The following RPS6KC1 variants were observed in gnomAD, a reference collection of about 807,000 sequenced individuals.
The protein encoded by RPS6KC1 is inactive ribosomal protein S6 kinase delta-1.
A neutral mutation model predicts 103.8 loss-of-function variants in RPS6KC1; 54 were observed. The ratio of observed to expected loss-of-function variants is 0.52; its 90% CI spans 0.42 to 0.65. The LOEUF is 0.65. Among genes scored for constraint, RPS6KC1 ranks in the 30% least tolerant of loss-of-function variants. RPS6KC1 has a pLI of 0.00. For missense variants in RPS6KC1, 1,151 were observed against 1,253.8 expected (o/e 0.92, Z 1.24); for synonymous variants, 439 against 438.7 (o/e 1.00, Z -0.01).
At chr1:213,246,755 A>G (rs2094460543) in intron 12 of RPS6KC1, among the ~76,000 whole-genome samples, 1 of 151,990 alleles carries the variant, frequency 6.6e-6, no homozygotes, top group Non-Finnish European at 1.5e-5. Context: ...CTAAGCATAT[A>G]AAATACAAAA....
At chr1:213,374,013 A>T in the RPS6KC1 span, among the ~76,000 whole-genome samples, 1 of 152,216 alleles carries the variant, frequency 6.6e-6, no homozygotes, top group African/African-American at 2.4e-5. Flanking sequence ...AATATAGGGA[A>T]TAAGAGTGGC....
chr1:213,322,314 G>A, the RPS6KC1 span, among the ~76,000 whole-genome samples: 1 of 152,034 alleles, frequency 6.6e-6, no homozygotes, highest in Admixed American at 6.6e-5. Context: ...AAATTATGAG[G>A]GCTAGGTCAG....
the RPS6KC1 span, among the ~76,000 whole-genome samples, chr1:213,707,756 A>T: frequency 2.1e-4 from 32 of 152,338 alleles, no homozygotes; most frequent in East Asian, 6.2e-3. Context: ...AGTTTTCTGC[A>T]TATGGCTAGC....
intron 3 of RPS6KC1, among the ~76,000 whole-genome samples, chr1:213,098,260 G>A (rs1409290700): frequency 1.3e-5 from 2 of 151,682 alleles, no homozygotes; most frequent in African/African-American, 4.8e-5. Context: ...GGACTACAGG[G>A]GACTACAGGC....
At chr1:213,678,614 T>G in the RPS6KC1 span, among the ~76,000 whole-genome samples, 2 of 152,180 alleles carry the variant, frequency 1.3e-5, no homozygotes, top group Non-Finnish European at 2.9e-5. Context: ...CCCATATAGA[T>G]TTTTGGTCTG....
intron 1 of RPS6KC1, among the ~76,000 whole-genome samples, chr1:213,070,121 CAT>C (rs2078732757): frequency 6.6e-6 from 1 of 152,092 alleles, no homozygotes; most frequent in Non-Finnish European, 1.5e-5. Context: ...ATACTTCTCA[CAT>C]GTTGTGTCCG....
chr1:213,592,875 G>A, the RPS6KC1 span, among the ~76,000 whole-genome samples: 3 of 152,212 alleles, frequency 2.0e-5, no homozygotes, highest in African/African-American at 4.8e-5. Context: ...TCAAACGGCT[G>A]TAAGAAAAGA....
intron 1 of RPS6KC1, among the ~76,000 whole-genome samples, chr1:213,056,677 A>G (rs2148294469): frequency 6.6e-6 from 1 of 152,208 alleles, no homozygotes; most frequent in South Asian, 2.1e-4. Flanking sequence ...CCATATTCTT[A>G]AGCAGCCTGC....
At chr1:213,652,699 G>T in the RPS6KC1 span, among the ~76,000 whole-genome samples, 1 of 152,192 alleles carries the variant, frequency 6.6e-6, no homozygotes, top group East Asian at 1.9e-4. Flanking sequence ...TTGCCTGCAT[G>T]TGAGGCCACA....
the RPS6KC1 span, among the ~76,000 whole-genome samples, chr1:213,410,976 G>A: frequency 1.4e-3 from 216 of 152,268 alleles, 2 homozygotes; most frequent in African/African-American, 4.9e-3. Flanking sequence ...GGGATATGAG[G>A]CTGAAGCAAC....
intron 8 of RPS6KC1, among the ~76,000 whole-genome samples, chr1:213,194,236 G>T (rs1345548423): frequency 6.6e-6 from 1 of 152,136 alleles, no homozygotes; most frequent in Admixed American, 6.5e-5. Context: ...AGGCAAAGCA[G>T]CATTGGGTTT....
chr1:213,742,526 A>T, the RPS6KC1 span, among the ~76,000 whole-genome samples: 1 of 152,240 alleles, frequency 6.6e-6, no homozygotes, highest in Non-Finnish European at 1.5e-5. Flanking sequence ...TAAGATCCCC[A>T]ACCTGCCATC....
the RPS6KC1 span, among the ~76,000 whole-genome samples, chr1:213,655,880 T>G: frequency 3.9e-5 from 6 of 152,170 alleles, no homozygotes; most frequent in Non-Finnish European, 8.8e-5. Flanking sequence ...CCCTGTGTAT[T>G]GTGATGTTAA....
chr1:213,361,208 A>C, the RPS6KC1 span, among the ~76,000 whole-genome samples: 9 of 152,208 alleles, frequency 5.9e-5, no homozygotes, highest in Admixed American at 3.3e-4. Context: ...GGCTCCACCC[A>C]GTTGGAGCTT....
At chr1:213,626,564 A>G in the RPS6KC1 span, among the ~76,000 whole-genome samples, 1 of 152,188 alleles carries the variant, frequency 6.6e-6, no homozygotes, top group African/African-American at 2.4e-5. Context: ...TTTTAGGTCT[A>G]ACATTTAAGT....
At chr1:213,733,964 T>G in the RPS6KC1 span, among the ~76,000 whole-genome samples, 61 of 152,330 alleles carry the variant, frequency 4.0e-4, no homozygotes, top group Non-Finnish European at 7.4e-4. Context: ...ATGCTGGAAA[T>G]GTTTGAGGCC....
chr1:213,302,872 G>T, the RPS6KC1 span, among the ~76,000 whole-genome samples: 1 of 152,152 alleles, frequency 6.6e-6, no homozygotes, highest in African/African-American at 2.4e-5. Flanking sequence ...TCTATATATT[G>T]TATATATTTC....
At chr1:213,330,872 A>G in the RPS6KC1 span, among the ~76,000 whole-genome samples, 5 of 152,132 alleles carry the variant, frequency 3.3e-5, no homozygotes, top group Admixed American at 2.6e-4. Flanking sequence ...TTTTCATGGC[A>G]CTGGTGGCTA....
intron 1 of RPS6KC1, among the ~76,000 whole-genome samples, chr1:213,067,283 C>T (rs2078418048): frequency 6.6e-6 from 1 of 152,180 alleles, no homozygotes; most frequent in African/African-American, 2.4e-5. Flanking sequence ...TAAGACCTGT[C>T]TCAGATATTC....
Sources: allele counts gnomAD v4.1 joint callset (sites outside exome capture counted in the v4.1 genomes callset), GRCh38; gene constraint gnomAD v4.1.1; transcripts MANE v1.5; gene names NCBI Gene and HGNC (gene_info 2026-07-23, HGNC 2026-07-21).